HSPB7: variants seen among roughly 807,000 people sequenced by gnomAD.
HSPB7 encodes heat shock protein family B (small) member 7.
A neutral mutation model predicts 11.0 loss-of-function variants in HSPB7; 9 were observed. The observed-to-expected ratio is 0.82, with a 90% confidence interval of 0.49 to 1.43. HSPB7 has a LOEUF of 1.43. Among genes scored for constraint, HSPB7 ranks in the 40% most tolerant of loss-of-function variants. The pLI is 0.00. For missense variants in HSPB7, 246 were observed against 243.9 expected (o/e 1.01, Z -0.06); for synonymous variants, 102 against 101.6 (o/e 1.00, Z -0.02).
In HSPB7 at chr1:16,015,476, G is replaced by GACAT. The variant is rs2021633218; in HGVS notation, c.*103_*104insATGT. 8.7e-7 allele frequency: 1 copy of GACAT among 1,149,158 alleles called. No homozygotes were observed. The allele number at this position is 1,149,158 out of a possible 1,614,324, so 71.2% of individuals were successfully genotyped here. A position where few individuals can be genotyped will look rare whatever the true frequency, so the allele number is the denominator to read the frequency against. ...CACCTGGGGTCTGGGGTGCGTGGGG[G>GACAT]CTAGAACCTGGGCTGAGATGTCCTG... is the stretch of plus-strand genomic sequence containing the variant. On this transcript the variant is annotated 3_prime_UTR_variant, in exon 3 of 3. Coordinates refer to ENST00000311890, the MANE Select transcript of HSPB7 (RefSeq NM_014424.5). This position sits in a 1 kb window ranked among gnomAD's most constrained non-coding sequence, Gnocchi z 4.9.
intron 2 of HSPB7, among the ~76,000 whole-genome samples, chr1:16,016,208 T>C (rs2021715305): frequency 6.6e-6 from 1 of 152,208 alleles, no homozygotes. Context: ...GCTGAGTCAC[T>C]GTTGGGGGTG....
In HSPB7 at chr1:16,015,459, G is replaced by T; in HGVS notation, c.*121C>A. On this transcript the variant is annotated 3_prime_UTR_variant, in exon 3 of 3. Coordinates refer to ENST00000311890, the MANE Select transcript of HSPB7 (RefSeq NM_014424.5). This position sits in a 1 kb window ranked among gnomAD's most constrained non-coding sequence, Gnocchi z 4.9. ...AGTTTGGGAGGATGGTCCACCTGGG[G>T]TCTGGGGTGCGTGGGGGCTAGAACC... The T allele has an allele frequency of 2.2e-6, 2 of 925,424 alleles. No homozygotes were observed. The highest frequency in any genetic ancestry group is 2.6e-5 in the East Asian group (1 of 37,930). 57.3% of individuals were successfully genotyped at this position (925,424 alleles called of 1,614,324 possible). A position where few individuals can be genotyped will look rare whatever the true frequency, so the allele number is the denominator to read the frequency against.
chr1:16,019,279 CCTCT>C (rs1557442429), upstream of HSPB7: 6 of 1,504,768 alleles, frequency 4.0e-6, no homozygotes, highest in Admixed American at 2.0e-5. Flanking sequence ...CCCAGGGAGG[CCTCT>C]CTGACTGCTC....
At chr1:16,016,692 G>A (rs923997171) in intron 2 of HSPB7, among the ~76,000 whole-genome samples, 10 of 150,904 alleles carry the variant, frequency 6.6e-5, no homozygotes, top group African/African-American at 1.2e-4. Flanking sequence ...CCACCTACCC[G>A]CATCCGCCCC....
rs889343924 is a variant in HSPB7, at chr1:16,018,025, C to T, written c.-62G>A. The T allele has an allele frequency of 5.0e-6, 8 of 1,610,880 alleles. No homozygotes were observed. In the Admixed American group the frequency reaches 1.0e-4, roughly 20 times the overall value. ...GGCTGGACAGGAGAGGGTGTGGGCG[C>T]AGGCCTCTGGGCGAGCGTGCCAGGC... is the stretch of plus-strand genomic sequence containing the variant. On this transcript the variant is annotated 5_prime_UTR_variant, in exon 1 of 3. Coordinates refer to ENST00000311890, the MANE Select transcript of HSPB7 (RefSeq NM_014424.5).
chr1:16,019,554 CCTT>C, upstream of HSPB7: 1 of 1,369,636 alleles, frequency 7.3e-7, no homozygotes, highest in Non-Finnish European at 9.8e-7. Context: ...CTGGAGAGCT[CCTT>C]CTACAGGGGT....
intron 1 of HSPB7, chr1:16,017,560 G>T (rs2021840859): frequency 1.7e-6 from 1 of 598,952 alleles, no homozygotes; most frequent in South Asian, 2.2e-5. Flanking sequence ...CAACCCCCAG[G>T]GCCACAACTG....
Position 16,015,594 on chromosome 1 carries a change from C to T in HSPB7, c.499G>A (p.Glu167Lys). Residue 167 changes from glutamate (E) to lysine (K), a missense_variant, in exon 3 of 3, where the codon GAG (glutamate) becomes AAG (lysine). Glu to Lys is a moderately conservative substitution (Grantham distance 56, BLOSUM62 1). Transcript: ENST00000311890. This position sits in a 1 kb window ranked among gnomAD's most constrained non-coding sequence, Gnocchi z 4.9. ...GGGAGAGGCACTCAGATTTTGATCTCCGTCCGGAAGGTCTGCTGGACGTGT... is the reference window on the plus strand; with the variant it reads ...GGGAGAGGCACTCAGATTTTGATCTTCGTCCGGAAGGTCTGCTGGACGTGT... ...TEHVQQTFRT[E>K]IKI 3 of 1,614,018 alleles carry T rather than the reference C, an allele frequency of 1.9e-6. No homozygotes were observed. The highest frequency in any genetic ancestry group is 2.5e-6 in the Non-Finnish European group (3 of 1,179,950).
chr1:16,017,063 G>C lies in HSPB7; in HGVS notation c.333+11C>G, dbSNP rs753791155. The C allele has an allele frequency of 6.3e-5, 101 of 1,602,076 alleles. No homozygotes were observed. Among genetic ancestry groups the C allele is most frequent in the Admixed American group, 1.2e-4 (7 of 59,764 alleles). ...ATTTGGGATGCGGTGAGTAGGGGGT[G>C]GGGGGCTCACCTTCTCAGCCCGCAC... On this transcript the variant is annotated intron_variant, in intron 2 of 2. Transcript: ENST00000311890.
At position 16,014,686 on chromosome 1, in the gene HSPB7, A is replaced by G. The variant is rs540952893; in HGVS notation, c.*894T>C. 6.6e-6 allele frequency: 1 copy of G among 152,236 alleles called. No homozygotes were observed. The highest frequency in any genetic ancestry group is 6.5e-5 in the Admixed American group (1 of 15,300). The allele number at this position is 152,236 out of a possible 1,614,324, so 9.4% of individuals were successfully genotyped here. A position where few individuals can be genotyped will look rare whatever the true frequency, so the allele number is the denominator to read the frequency against. On this transcript the variant is annotated 3_prime_UTR_variant, in exon 3 of 3. Transcript: ENST00000311890. ...AGATTAAAGAGGGGGATGGATGGAG[A>G]GCTGACTGCCCGGAGGGGAAGGTGG...
intron 2 of HSPB7, 122 bp downstream of exon 2, chr1:16,016,952 G>T: frequency 1.0e-6 from 1 of 983,606 alleles, no homozygotes; most frequent in Non-Finnish European, 1.5e-6. Context: ...AGCCCTGGGG[G>T]AGTTTGGGTG....
chr1:16,019,590 G>A, upstream of HSPB7: 1 of 1,095,690 alleles, frequency 9.1e-7, no homozygotes, highest in Non-Finnish European at 1.3e-6. Context: ...GGTGGTATGT[G>A]GAGTGGAAGC....
Position 16,017,117 on chromosome 1 carries a change from A to G in HSPB7, c.290T>C (p.Ile97Thr), listed in dbSNP as rs1281058650. The change falls in exon 2 of 3, where the codon ATT becomes ACT. Residue 97 changes from isoleucine (I) to threonine (T), a missense_variant. Physicochemically the swap from Ile to Thr is moderately conservative, Grantham distance 89. Coordinates refer to ENST00000311890, the MANE Select transcript of HSPB7 (RefSeq NM_014424.5). The stretch of plus-strand genomic sequence containing the variant: ...GATGTGGTTGTTGGAGGTGGTGACA[A>G]TGATGTCTTCAGGTGAGAAGTCTCT... ...DVRDFSPEDI[I>T]VTTSNNHIEV... 3 of 1,612,718 alleles carry G rather than the reference A, an allele frequency of 1.9e-6. No individual in the cohort carries two copies. Among genetic ancestry groups the G allele is most frequent in the Non-Finnish European group, 1.7e-6 (2 of 1,179,034 alleles).
chr1:16,017,539 G>A, intron 1 of HSPB7: 1 of 593,722 alleles, frequency 1.7e-6, no homozygotes. Flanking sequence ...GGGTGGCCAT[G>A]GAACCATGTC....
rs1282582249 is a variant in HSPB7, at chr1:16,018,021, G to T, written c.-58C>A. 2 of 1,611,330 alleles carry T rather than the reference G, an allele frequency of 1.2e-6. No individual in the cohort carries two copies. Among genetic ancestry groups the T allele is most frequent in the South Asian group, 1.1e-5 (1 of 90,884 alleles). On this transcript the variant is annotated 5_prime_UTR_variant, in exon 1 of 3. Transcript: ENST00000311890. ...CGAGGGCTGGACAGGAGAGGGTGTG[G>T]GCGCAGGCCTCTGGGCGAGCGTGCC...
rs2021800065 is a variant in HSPB7 at position 16,017,219 on chromosome 1, G to T, written c.200-12C>A. 1 of 1,611,030 alleles carries T rather than the reference G, an allele frequency of 6.2e-7. No homozygotes were observed. Among genetic ancestry groups the T allele is most frequent in the Non-Finnish European group, 8.5e-7 (1 of 1,177,664 alleles). ...CCCACCGGGGCGGGCTGTGGGATGG[G>T]CTGCTGTGAGCGAGGCATGGAGCAG... On this transcript the variant is annotated splice_polypyrimidine_tract_variant and intron_variant, in intron 1 of 2. Transcript: ENST00000311890.
chr1:16,017,724 C>T (rs1329523440), intron 1 of HSPB7, 41 bp downstream of exon 1: 1 of 1,503,238 alleles, frequency 6.7e-7, no homozygotes, highest in Non-Finnish European at 9.0e-7. Context: ...GACGTCCCCT[C>T]CCTGTGCACC....
chr1:16,018,438 T>C, upstream of HSPB7: 7 of 1,161,190 alleles, frequency 6.0e-6, no homozygotes, highest in Non-Finnish European at 7.5e-6. Context: ...ACCTCCTCCA[T>C]CAGTGTGCAG....
upstream of HSPB7, chr1:16,018,874 G>A (rs938789112): frequency 5.3e-6 from 7 of 1,327,950 alleles, no homozygotes; most frequent in South Asian, 5.7e-5. Context: ...TGTCCAGCAC[G>A]GCCCCGTTTG....
Sources: gnomAD v4.1 joint callset for allele counts (sites outside exome capture counted in the v4.1 genomes callset) on GRCh38, gnomAD v4.1.1 for gene constraint, Gnocchi (gnomAD v3.1) non-coding constraint, MANE v1.5 for transcripts, NCBI Gene and HGNC (gene_info 2026-07-23, HGNC 2026-07-21) for gene names.